Variants in PDZK1 observed in about 807,000 individuals in gnomAD.
PDZK1 encodes Na(+)/H(+) exchange regulatory cofactor NHE-RF3.
A neutral mutation model predicts 38.1 loss-of-function variants in PDZK1; 23 were observed. The ratio of observed to expected loss-of-function variants is 0.60; its 90% confidence interval spans 0.43 to 0.85. The LOEUF is 0.85. PDZK1 is among the 40% of genes least tolerant of loss of function. The probability of loss-of-function intolerance (pLI) is 0.00; values close to 1 mark genes in which losing one functional copy is unlikely to be tolerated. For missense variants in PDZK1, 297 were observed against 504.3 expected, an observed-to-expected ratio of 0.59 and a Z score of 3.94; for synonymous variants, 98 against 186.2, an observed-to-expected ratio of 0.53 and a Z score of 3.86.
At chr1:145,687,290 C>T (rs981560086) in intron 2 of PDZK1, among the ~76,000 whole-genome samples, 5 of 150,446 alleles carry the variant, frequency 3.3e-5, no homozygotes, top group African/African-American at 9.8e-5. Context: ...GAGGCCGAAG[C>T]GGGCGGATCA....
intron 6 of PDZK1, among the ~76,000 whole-genome samples, chr1:145,677,385 A>G (rs1187728467): frequency 1.3e-5 from 2 of 151,126 alleles, no homozygotes; most frequent in African/African-American, 2.4e-5. Flanking sequence ...GTATGTTAAT[A>G]TATTTTCCAT....
intron 1 of PDZK1, among the ~76,000 whole-genome samples, chr1:145,698,878 G>A (rs1655786950): frequency 6.6e-6 from 1 of 152,234 alleles, no homozygotes; most frequent in Non-Finnish European, 1.5e-5. Context: ...GGCGGAGGCT[G>A]CAGTAAGCCA....
At chr1:145,699,990 C>T (rs1655867428) in intron 1 of PDZK1, among the ~76,000 whole-genome samples, 1 of 152,174 alleles carries the variant, frequency 6.6e-6, no homozygotes, top group African/African-American at 2.4e-5. Context: ...CCACTCCATC[C>T]AAGTTACTCT....
intron 1 of PDZK1, among the ~76,000 whole-genome samples, chr1:145,705,996 C>A (rs1343194479): frequency 6.6e-6 from 1 of 152,178 alleles, no homozygotes. Flanking sequence ...TCAAGTGATC[C>A]TCCCGCTTGG....
intron 1 of PDZK1, among the ~76,000 whole-genome samples, chr1:145,699,747 T>TC (rs1208554131): frequency 6.6e-6 from 1 of 152,246 alleles, no homozygotes; most frequent in Admixed American, 6.5e-5. Context: ...GTTTCCATCT[T>TC]CCCCCAGGAT....
chr1:145,672,795 G>A lies in PDZK1; in HGVS notation c.1441C>T (p.Pro481Ser), dbSNP rs782070304. The A allele has an allele frequency of 2.2e-5, 36 of 1,611,666 alleles. No homozygotes were observed. The highest frequency in any genetic ancestry group is 1.7e-5 in the Admixed American group (1 of 59,958). Residue 481 changes from proline to serine, a missense_variant, in exon 8 of 9, where the codon CCT (proline) becomes TCT (serine). Transcript: ENST00000417171. ...ACTATTCCTTCTTTAGAATCTGGAGGGGTGTCAAGTGGATCAGCCAGGGAG... is the reference window on the plus strand; with the variant it reads ...ACTATTCCTTCTTTAGAATCTGGAGAGGTGTCAAGTGGATCAGCCAGGGAG... ...VSSLADPLDT[P>S]PDSKEGIVVE... is the part of the protein sequence containing the mutation.
At chr1:145,677,311 C>G (rs1653779208) in intron 6 of PDZK1, among the ~76,000 whole-genome samples, 1 of 151,034 alleles carries the variant, frequency 6.6e-6, no homozygotes, top group Non-Finnish European at 1.5e-5. Context: ...TCTTTCTATC[C>G]TAACTAAATA....
At chr1:145,676,511 G>A (rs1217579355) in intron 6 of PDZK1, among the ~76,000 whole-genome samples, 6 of 150,658 alleles carry the variant, frequency 4.0e-5, no homozygotes, top group Admixed American at 1.3e-4. Flanking sequence ...CGAGGCGGGC[G>A]GATCACAAGG....
chr1:145,689,855 C>T (rs1261133763), intron 1 of PDZK1, among the ~76,000 whole-genome samples: 1 of 152,184 alleles, frequency 6.6e-6, no homozygotes, highest in Non-Finnish European at 1.5e-5. Flanking sequence ...CATCCCTGAC[C>T]TTCATGCCCA....
intron 1 of PDZK1, among the ~76,000 whole-genome samples, chr1:145,704,365 C>G (rs9659930): frequency 0.18 from 27,720 of 152,178 alleles, 3,166 homozygotes; most frequent in Non-Finnish European, 0.25. Context: ...CAAACCTTCT[C>G]TAGTTGCCAC....
chr1:145,707,044 G>A (rs782106315), intron 1 of PDZK1, among the ~76,000 whole-genome samples: 9 of 151,994 alleles, frequency 5.9e-5, no homozygotes, highest in Non-Finnish European at 1.0e-4. Flanking sequence ...ACCCCGGGAA[G>A]GCTTTTTCTG....
chr1:145,673,026 A>G lies in PDZK1; in HGVS notation c.1216-6T>C. On this transcript the variant is annotated splice_polypyrimidine_tract_variant and splice_region_variant and intron_variant, in intron 7 of 8. Coordinates refer to ENST00000417171, the MANE Select transcript of PDZK1 (RefSeq NM_001201325.2). ...GCAGGACCGCCCTTCTGTACCTGTG[A>G]ACAGAAGTTCTGAGTTATCAATTTC... is the stretch of plus-strand genomic sequence containing the variant. 1 of 1,409,588 alleles carries G rather than the reference A, an allele frequency of 7.1e-7. No individual in the cohort carries two copies. 87.3% of individuals were successfully genotyped at this position (1,409,588 alleles called of 1,614,324 possible).
chr1:145,687,124 G>A (rs888745882), intron 2 of PDZK1, among the ~76,000 whole-genome samples: 13 of 152,026 alleles, frequency 8.6e-5, no homozygotes, highest in African/African-American at 3.1e-4. Context: ...TCCTCAGCAG[G>A]AACATGTTAG....
rs587741428 is a variant in PDZK1 at position 145,690,951 on chromosome 1, C to T, written c.-2-2928G>A. Among the ~76,000 whole-genome samples the T allele has an allele frequency of 3.3e-5, 5 of 152,284 alleles. No individual in the cohort carries two copies. The South Asian group carries it at 1.0e-3, about 32-fold the overall frequency. On this transcript the variant is annotated intron_variant, in intron 1 of 8. Transcript: ENST00000417171. ...GCATCTATGGCTTTGAAGGCTCAAG[C>T]ATTCAAGGTCAGTTTCTTTTTTGTC...
intron 4 of PDZK1, among the ~76,000 whole-genome samples, chr1:145,681,450 A>T (rs2624758): frequency 2.7e-4 from 39 of 142,636 alleles, no homozygotes; most frequent in African/African-American, 7.5e-4. Context: ...ACCTGGCTAA[A>T]TTTTTTTTTT....
intron 4 of PDZK1, among the ~76,000 whole-genome samples, chr1:145,682,065 A>T (rs1654321339): frequency 1.7e-5 from 2 of 117,204 alleles, no homozygotes; most frequent in Admixed American, 1.7e-4. Context: ...AAAATTAGCC[A>T]GGTGCGGTGG....
intron 1 of PDZK1, among the ~76,000 whole-genome samples, chr1:145,695,729 C>T (rs1370188416): frequency 6.6e-6 from 1 of 152,038 alleles, no homozygotes; most frequent in African/African-American, 2.4e-5. Flanking sequence ...TGCAGAGAGG[C>T]CAGGTAAGAG....
intron 3 of PDZK1, among the ~76,000 whole-genome samples, chr1:145,684,549 T>A (rs1654583998): frequency 6.6e-6 from 1 of 152,172 alleles, no homozygotes. Flanking sequence ...TTGTACATAT[T>A]TATAGGGTGT....
At chr1:145,683,838 T>A (rs1251481605) in intron 3 of PDZK1, among the ~76,000 whole-genome samples, 18 of 151,722 alleles carry the variant, frequency 1.2e-4, no homozygotes. Flanking sequence ...TAGAAGCACT[T>A]TACAGCCTTT....
Sources: allele counts gnomAD v4.1 joint callset (sites outside exome capture counted in the v4.1 genomes callset), GRCh38; gene constraint gnomAD v4.1.1; transcripts MANE v1.5; gene names NCBI Gene and HGNC (gene_info 2026-07-23, HGNC 2026-07-21).